The following KCNG3 variants were observed in gnomAD, a reference collection of about 807,000 sequenced individuals.
KCNG3 encodes voltage-gated potassium channel regulatory subunit KCNG3.
KCNG3 carries 15 observed loss-of-function variants against 29.0 expected under a neutral mutation model. The ratio of observed to expected loss-of-function variants is 0.52; its 90% CI spans 0.35 to 0.80. KCNG3 has a LOEUF of 0.80. Among genes scored for constraint, KCNG3 ranks in the 30% least tolerant of loss-of-function variants. KCNG3 has a pLI of 0.01. For missense variants in KCNG3, 512 were observed against 605.7 expected, an observed-to-expected ratio of 0.85 and a Z score of 1.62; for synonymous variants, 322 against 248.9, an observed-to-expected ratio of 1.29 and a Z score of -2.76.
chr2:42,492,995 G>C lies in KCNG3; in HGVS notation c.507C>G (p.Ala169=). ...RTFEEPTSSL[A]AQILASVSVV... ...CCGACACGCTAGCCAGGATCTGCGC[G>C]GCCAGCGACGACGTGGGCTCCTCGA... Residue 169 remains alanine, a synonymous_variant, in exon 1 of 2, where the codon GCC becomes GCG. Transcript: ENST00000306078. 2.0e-6 allele frequency: 3 copies of C among 1,535,630 alleles called. No homozygotes were observed. Among genetic ancestry groups the C allele is most frequent in the Non-Finnish European group, 2.6e-6 (3 of 1,144,866 alleles).
At chr2:42,403,244 C>T in the KCNG3 span, among the ~76,000 whole-genome samples, 4 of 151,396 alleles carry the variant, frequency 2.6e-5, no homozygotes, top group African/African-American at 4.9e-5. Context: ...CAGGCTCAGG[C>T]GATCCTCCCA....
intron 1 of KCNG3, among the ~76,000 whole-genome samples, chr2:42,449,766 G>C (rs1558375070): frequency 6.6e-6 from 1 of 152,090 alleles, no homozygotes; most frequent in Non-Finnish European, 1.5e-5. Context: ...TTTCTAAATT[G>C]GTTGCTATCT....
At chr2:42,425,674 C>T in the KCNG3 span, among the ~76,000 whole-genome samples, 2 of 152,068 alleles carry the variant, frequency 1.3e-5, no homozygotes, top group Non-Finnish European at 2.9e-5. Flanking sequence ...ATCATCATGA[C>T]CTGGAAACTT....
chr2:42,480,032 A>C (rs966788283), intron 1 of KCNG3, among the ~76,000 whole-genome samples: 12 of 152,116 alleles, frequency 7.9e-5, no homozygotes, highest in African/African-American at 2.4e-4. Flanking sequence ...GAAAACAAAA[A>C]CAAACAAACA....
At chr2:42,441,735 T>C (rs1373649204), downstream of KCNG3, among the ~76,000 whole-genome samples, 1 of 150,476 alleles carries the variant, frequency 6.6e-6, no homozygotes, top group Non-Finnish European at 1.5e-5. Context: ...CATATCCCTA[T>C]ATATAAAATA....
chr2:42,488,619 G>T (rs892186683), intron 1 of KCNG3, among the ~76,000 whole-genome samples: 1 of 150,078 alleles, frequency 6.7e-6, no homozygotes, highest in African/African-American at 2.5e-5. Context: ...GCGTGATATC[G>T]GCTTACTGCA....
At chr2:42,478,981 T>C (rs941836729) in intron 1 of KCNG3, among the ~76,000 whole-genome samples, 9 of 150,326 alleles carry the variant, frequency 6.0e-5, no homozygotes, top group African/African-American at 2.0e-4. Context: ...TTTTGGATTT[T>C]GGAGTATTTG....
At chr2:42,432,972 C>G in the KCNG3 span, among the ~76,000 whole-genome samples, 4 of 146,734 alleles carry the variant, frequency 2.7e-5, no homozygotes, top group African/African-American at 1.0e-4. Flanking sequence ...AAAAAACACT[C>G]AACAAACCAG....
chr2:42,474,701 AT>A (rs1673379708), intron 1 of KCNG3, among the ~76,000 whole-genome samples: 2 of 152,150 alleles, frequency 1.3e-5, no homozygotes, highest in African/African-American at 4.8e-5. Flanking sequence ...GCCCTGATAT[AT>A]TTTTTAAACA....
chr2:42,416,557 G>A, the KCNG3 span, among the ~76,000 whole-genome samples: 5 of 152,040 alleles, frequency 3.3e-5, no homozygotes, highest in Non-Finnish European at 7.4e-5. Context: ...GGCTGGGCAC[G>A]GTGGCTCACG....
At chr2:42,481,434 A>T (rs1375078648) in intron 1 of KCNG3, among the ~76,000 whole-genome samples, 1 of 152,112 alleles carries the variant, frequency 6.6e-6, no homozygotes, top group Non-Finnish European at 1.5e-5. Context: ...TGCATCTCTT[A>T]CTGAGGTTCT....
At chr2:42,452,685 G>A (rs963684939) in intron 1 of KCNG3, among the ~76,000 whole-genome samples, 2 of 151,984 alleles carry the variant, frequency 1.3e-5, no homozygotes, top group African/African-American at 4.8e-5. Flanking sequence ...CCATGTTGTT[G>A]CAAATGGCAG....
At chr2:42,465,731 T>A (rs763690564) in intron 1 of KCNG3, among the ~76,000 whole-genome samples, 1 of 152,178 alleles carries the variant, frequency 6.6e-6, no homozygotes, top group Non-Finnish European at 1.5e-5. Context: ...AACACATTTA[T>A]CTGACAAAGG....
the KCNG3 span, among the ~76,000 whole-genome samples, chr2:42,426,711 A>G: frequency 6.6e-6 from 1 of 152,262 alleles, no homozygotes; most frequent in African/African-American, 2.4e-5. Context: ...GCAGATAATT[A>G]ACAATGAAAA....
At chr2:42,428,077 C>G in the KCNG3 span, among the ~76,000 whole-genome samples, 4 of 151,974 alleles carry the variant, frequency 2.6e-5, no homozygotes, top group Non-Finnish European at 5.9e-5. Context: ...ACATTCAGTG[C>G]TAACTGAATT....
chr2:42,485,997 C>CCT (rs1673710725), intron 1 of KCNG3, among the ~76,000 whole-genome samples: 1 of 152,178 alleles, frequency 6.6e-6, no homozygotes, highest in African/African-American at 2.4e-5. Flanking sequence ...GTGAGACAGT[C>CCT]CTCTCAATGA....
chr2:42,425,467 G>C, the KCNG3 span, among the ~76,000 whole-genome samples: 3 of 151,600 alleles, frequency 2.0e-5, no homozygotes, highest in Non-Finnish European at 4.4e-5. Context: ...GGGGTGTAGA[G>C]TGTGGGCAGA....
chr2:42,444,556 C>T lies in KCNG3; in HGVS notation c.689G>A (p.Gly230Asp), dbSNP rs1558372763. 2 of 1,611,520 alleles carry T rather than the reference C, an allele frequency of 1.2e-6. No homozygotes were observed. The highest frequency in any genetic ancestry group is 1.7e-5 in the Admixed American group (1 of 59,700). ...PSGIIEAICI[G>D]WFTAECIVRF... Reference sequence around the variant, plus strand: ...CACGATGCACTCGGCAGTGAACCAACCTATGCAGATAGCTTCAATTATCCT... The same window carrying T: ...CACGATGCACTCGGCAGTGAACCAATCTATGCAGATAGCTTCAATTATCCT... Residue 230 changes from glycine to aspartate, a missense_variant, in exon 2 of 2, where the codon GGT becomes GAT. Physicochemically the swap from Gly to Asp is moderately conservative, Grantham distance 94 (BLOSUM62 -1). This residue lies in a region of KCNG3 where 173 missense variants were observed against 262.4 expected (regional missense o/e 0.66). Coordinates refer to ENST00000306078, the MANE Select transcript of KCNG3 (RefSeq NM_133329.6). The surrounding 1 kb of genome is among the most constrained non-coding windows in gnomAD (Gnocchi z 5.8).
At chr2:42,481,714 G>A (rs372623954) in intron 1 of KCNG3, among the ~76,000 whole-genome samples, 74 of 152,088 alleles carry the variant, frequency 4.9e-4, no homozygotes, top group African/African-American at 1.6e-3. Flanking sequence ...TTTCCTTCCT[G>A]TTGCTCCAAT....
Sources: allele counts gnomAD v4.1 joint callset (sites outside exome capture counted in the v4.1 genomes callset), GRCh38; gene constraint gnomAD v4.1.1; regional missense constraint gnomAD v4.1.1; non-coding constraint Gnocchi (gnomAD v3.1); transcripts MANE v1.5; gene names NCBI Gene and HGNC (gene_info 2026-07-23, HGNC 2026-07-21).